The following COL25A1 variants were observed in gnomAD, a reference collection of about 807,000 sequenced individuals.
COL25A1 encodes the protein collagen alpha-1(XXV) chain.
Under a neutral mutation model 128.4 loss-of-function variants are expected in COL25A1, and 103 were observed. That is an observed-to-expected ratio of 0.80 (90% CI 0.68 to 0.94). COL25A1 has a LOEUF of 0.94. Ranked by LOEUF, COL25A1 falls within the 40% of genes least tolerant of loss-of-function variation. COL25A1 has a pLI of 0.00. For synonymous variants in COL25A1, 279 were observed against 277.2 expected (o/e 1.01, Z -0.06); for missense variants, 745 against 840.0 (o/e 0.89, Z 1.40).
chr4:109,302,166 G>A lies in COL25A1; in HGVS notation c.-57+3C>T. On this transcript the variant is annotated splice_donor_region_variant and intron_variant, in intron 1 of 37. Coordinates refer to ENST00000399132, the MANE Select transcript of COL25A1 (RefSeq NM_198721.4). ...GGAGTCAAGCCCACGAGCGGATACG[G>A]ACCCCTGCCTTGCTCAGCGTCCAGA... The A allele has an allele frequency of 4.0e-6, 4 of 1,001,218 alleles. No individual in the cohort carries two copies. 62.0% of individuals were successfully genotyped at this position (1,001,218 alleles called of 1,614,324 possible). A position where few individuals can be genotyped will look rare whatever the true frequency, so the allele number is the denominator to read the frequency against.
intron 3 of COL25A1, among the ~76,000 whole-genome samples, chr4:109,211,733 C>T (rs765568265): frequency 9.9e-5 from 15 of 152,108 alleles, no homozygotes; most frequent in African/African-American, 2.7e-4. Flanking sequence ...CTGCCAAATA[C>T]GTTTCTAATC....
intron 13 of COL25A1, among the ~76,000 whole-genome samples, chr4:108,904,996 G>A (rs1340807252): frequency 6.6e-6 from 1 of 152,060 alleles, no homozygotes; most frequent in East Asian, 1.9e-4. Context: ...TGTCATTCAA[G>A]GGCAACTTGA....
intron 8 of COL25A1, among the ~76,000 whole-genome samples, chr4:108,943,978 A>T (rs1012013941): frequency 1.3e-5 from 2 of 152,122 alleles, no homozygotes; most frequent in African/African-American, 4.8e-5. Context: ...CTACATTTTT[A>T]ATTTTATTAG....
At chr4:108,837,522 C>A (rs1733950731) in intron 31 of COL25A1, among the ~76,000 whole-genome samples, 1 of 152,120 alleles carries the variant, frequency 6.6e-6, no homozygotes, top group Non-Finnish European at 1.5e-5. Context: ...TAAACAACTG[C>A]AAAATACTTC....
At chr4:108,912,754 C>G (rs1744381258) in intron 13 of COL25A1, among the ~76,000 whole-genome samples, 1 of 152,082 alleles carries the variant, frequency 6.6e-6, no homozygotes, top group Admixed American at 6.5e-5. Flanking sequence ...ATGGCTTAAG[C>G]TTTGAAAGTC....
intron 3 of COL25A1, among the ~76,000 whole-genome samples, chr4:109,068,219 T>C (rs1233434632): frequency 2.0e-5 from 3 of 152,144 alleles, no homozygotes; most frequent in Non-Finnish European, 4.4e-5. Flanking sequence ...GTCTTCCTAA[T>C]GACATATTAA....
At chr4:109,148,306 T>C (rs1353281550) in intron 3 of COL25A1, among the ~76,000 whole-genome samples, 2 of 152,156 alleles carry the variant, frequency 1.3e-5, no homozygotes, top group Non-Finnish European at 2.9e-5. Context: ...TTAATAACAA[T>C]ATTTTAAAAA....
chr4:109,262,143 T>C (rs1781496555), intron 3 of COL25A1, among the ~76,000 whole-genome samples: 1 of 152,202 alleles, frequency 6.6e-6, no homozygotes. Flanking sequence ...CCTGTTCATT[T>C]GAGAGCATTT....
chr4:108,868,198 A>T (rs971370077), intron 20 of COL25A1, among the ~76,000 whole-genome samples: 1 of 152,168 alleles, frequency 6.6e-6, no homozygotes, highest in African/African-American at 2.4e-5. Context: ...TATGGCCAGG[A>T]AGCTAATAGC....
At chr4:108,900,794 A>G (rs1742744262) in intron 14 of COL25A1, among the ~76,000 whole-genome samples, 1 of 152,114 alleles carries the variant, frequency 6.6e-6, no homozygotes, top group Non-Finnish European at 1.5e-5. Context: ...TATGGACATG[A>G]CCTATGTTTT....
chr4:108,892,105 T>TGCAAGTAGTG (rs11280663), intron 16 of COL25A1, among the ~76,000 whole-genome samples: 82,862 of 151,524 alleles, frequency 0.55, 23,961 homozygotes, highest in East Asian at 0.99. Flanking sequence ...AGGATAATGC[T>TGCAAGTAGTG]GAAATAAAAC....
At chr4:109,050,214 T>C in intron 3 of COL25A1, 35 bp from the exon 4 acceptor site, 1 of 1,562,470 alleles carries the variant, frequency 6.4e-7, no homozygotes, top group Non-Finnish European at 8.7e-7. Context: ...TAGTGTAGTT[T>C]AATTCTTTTT....
intron 3 of COL25A1, among the ~76,000 whole-genome samples, chr4:109,083,337 G>T (rs900068644): frequency 2.0e-5 from 3 of 150,852 alleles, no homozygotes; most frequent in Non-Finnish European, 4.4e-5. Context: ...TTTCTAAAGG[G>T]AAGCATAACA....
chr4:108,890,196 G>A (rs1263677803), intron 16 of COL25A1, among the ~76,000 whole-genome samples: 2 of 152,186 alleles, frequency 1.3e-5, no homozygotes, highest in South Asian at 4.1e-4. Context: ...AGCAAGTCAA[G>A]GTTCAACAGA....
At chr4:109,081,865 G>A (rs1411976380) in intron 3 of COL25A1, among the ~76,000 whole-genome samples, 3 of 151,922 alleles carry the variant, frequency 2.0e-5, no homozygotes, top group South Asian at 2.1e-4. Flanking sequence ...CACCACGCCC[G>A]GCTAATTTTT....
intron 8 of COL25A1, chr4:108,942,277 A>C: frequency 6.5e-7 from 1 of 1,550,122 alleles, no homozygotes. Flanking sequence ...CCCTATGGAC[A>C]TAGCACAGCA....
intron 3 of COL25A1, among the ~76,000 whole-genome samples, chr4:109,267,428 A>T (rs889523575): frequency 1.3e-5 from 2 of 152,226 alleles, no homozygotes; most frequent in Admixed American, 6.5e-5. Context: ...AAAGATCCAG[A>T]AATCTAAAAA....
At chr4:108,982,108 C>T (rs953045685) in intron 6 of COL25A1, among the ~76,000 whole-genome samples, 12 of 152,106 alleles carry the variant, frequency 7.9e-5, no homozygotes, top group Non-Finnish European at 1.5e-4. Context: ...GCAGGAGAAT[C>T]GCTTGAACCG....
At chr4:108,889,406 T>A in intron 17 of COL25A1, 150 bp from the exon 18 acceptor site, 1 of 661,984 alleles carries the variant, frequency 1.5e-6, no homozygotes, top group Non-Finnish European at 2.5e-6. Flanking sequence ...TACATCTCAC[T>A]AGACATACGG....
Sources: allele counts gnomAD v4.1 joint callset (sites outside exome capture counted in the v4.1 genomes callset), GRCh38; gene constraint gnomAD v4.1.1; transcripts MANE v1.5; gene names NCBI Gene and HGNC (gene_info 2026-07-23, HGNC 2026-07-21).